Variants in PDZRN3 observed in about 807,000 individuals in gnomAD.
The protein encoded by PDZRN3 is PDZ domain containing ring finger 3, also known as E3 ubiquitin-protein ligase PDZRN3.
In PDZRN3, 38 loss-of-function variants were observed where a neutral mutation model predicts 85.7. The ratio of observed to expected loss-of-function variants is 0.44; its 90% CI spans 0.34 to 0.58. The LOEUF is 0.58. Ranked by LOEUF, PDZRN3 falls within the 20% of genes least tolerant of loss-of-function variation. The probability of loss-of-function intolerance (pLI) is 0.01; values close to 1 mark genes in which losing one functional copy is unlikely to be tolerated. For synonymous variants in PDZRN3, 759 were observed against 638.0 expected (o/e 1.19, Z -2.86); for missense variants, 1,629 against 1,506.4 (o/e 1.08, Z -1.35).
chr3:73,440,348 C>A (rs1702611274), intron 3 of PDZRN3, among the ~76,000 whole-genome samples: 2 of 152,204 alleles, frequency 1.3e-5, no homozygotes, highest in African/African-American at 4.8e-5. Context: ...GCATCAGTCT[C>A]TGAAAGTCAT....
intron 3 of PDZRN3, chr3:73,408,395 A>C (rs1701897333): frequency 3.4e-6 from 2 of 587,670 alleles, no homozygotes; most frequent in Non-Finnish European, 6.0e-6. Flanking sequence ...GTAGTAGAAG[A>C]GACACATTTT....
At chr3:73,569,450 C>G in intron 3 of PDZRN3, 2 of 1,127,812 alleles carry the variant, frequency 1.8e-6, no homozygotes, top group Non-Finnish European at 2.2e-6. Flanking sequence ...TCTTAAGCCC[C>G]GAGGCGTCTA....
intron 5 of PDZRN3, among the ~76,000 whole-genome samples, chr3:73,393,398 T>G (rs1251139346): frequency 6.6e-6 from 1 of 152,112 alleles, no homozygotes; most frequent in Admixed American, 6.5e-5. Context: ...CATGACGAGG[T>G]GAGCACAGAA....
chr3:73,499,237 A>AGTGAAGACC (rs1703928201), intron 3 of PDZRN3, among the ~76,000 whole-genome samples: 1 of 152,188 alleles, frequency 6.6e-6, no homozygotes, highest in African/African-American at 2.4e-5. Context: ...TACAAACATC[A>AGTGAAGACC]GTGAAGACCG....
intron 3 of PDZRN3, among the ~76,000 whole-genome samples, chr3:73,537,304 C>G (rs1338681004): frequency 6.6e-6 from 1 of 152,166 alleles, no homozygotes; most frequent in Non-Finnish European, 1.5e-5. Context: ...AAGAACAGAG[C>G]CCTTGGCCTG....
chr3:73,397,791 T>G (rs1475409037), intron 5 of PDZRN3, among the ~76,000 whole-genome samples: 1 of 152,202 alleles, frequency 6.6e-6, no homozygotes, highest in African/African-American at 2.4e-5. Flanking sequence ...AGAAATGACC[T>G]GGTGACATCT....
At chr3:73,544,520 C>T (rs1701373171) in intron 3 of PDZRN3, among the ~76,000 whole-genome samples, 1 of 152,012 alleles carries the variant, frequency 6.6e-6, no homozygotes, top group Admixed American at 6.5e-5. Context: ...TGTGAAATCA[C>T]CATAATCAAG....
chr3:73,435,188 CTGA>C (rs1702508854), intron 3 of PDZRN3, among the ~76,000 whole-genome samples: 1 of 152,192 alleles, frequency 6.6e-6, no homozygotes, highest in African/African-American at 2.4e-5. Flanking sequence ...CCCACTTGGG[CTGA>C]TGGCCAGCAG....
chr3:73,523,184 G>T (rs1704414780), intron 3 of PDZRN3, among the ~76,000 whole-genome samples: 1 of 152,080 alleles, frequency 6.6e-6, no homozygotes, highest in Admixed American at 6.5e-5. Context: ...GCATCACCAT[G>T]CCCAGCTAAT....
chr3:73,604,125 T>G (rs1370165632), intron 2 of PDZRN3, among the ~76,000 whole-genome samples: 1 of 152,176 alleles, frequency 6.6e-6, no homozygotes, highest in Admixed American at 6.5e-5. Context: ...AGCATCACAG[T>G]GCTCTGCACA....
intron 3 of PDZRN3, among the ~76,000 whole-genome samples, chr3:73,411,609 G>C (rs566188636): frequency 1.3e-5 from 2 of 149,068 alleles, no homozygotes; most frequent in Non-Finnish European, 2.9e-5. Context: ...GTCCACCATA[G>C]TGGCAGCAGG....
chr3:73,585,463 T>G (rs1198540016), intron 3 of PDZRN3, among the ~76,000 whole-genome samples: 4 of 152,180 alleles, frequency 2.6e-5, no homozygotes, highest in Non-Finnish European at 4.4e-5. Flanking sequence ...ATCTTGTTCA[T>G]CAAAGCAAGG....
chr3:73,456,144 C>T (rs535609540), intron 3 of PDZRN3, among the ~76,000 whole-genome samples: 19 of 152,008 alleles, frequency 1.2e-4, no homozygotes, highest in East Asian at 1.9e-4. Context: ...ATATGGTCTA[C>T]GTATAAATGT....
chr3:73,494,573 A>C (rs1197939370), intron 3 of PDZRN3, among the ~76,000 whole-genome samples: 2 of 152,250 alleles, frequency 1.3e-5, no homozygotes, highest in Admixed American at 1.3e-4. Context: ...AACTTACGGA[A>C]GAGTATTTGC....
At chr3:73,405,008 TG>T (rs1367430168) in intron 3 of PDZRN3, among the ~76,000 whole-genome samples, 1 of 152,222 alleles carries the variant, frequency 6.6e-6, no homozygotes, top group East Asian at 1.9e-4. Flanking sequence ...CTGTGTGCAG[TG>T]CTTTGCTATT....
intron 3 of PDZRN3, among the ~76,000 whole-genome samples, chr3:73,432,387 G>T (rs1363783286): frequency 1.3e-5 from 2 of 152,350 alleles, no homozygotes; most frequent in East Asian, 3.9e-4. Context: ...GGTCGGAAAT[G>T]TATTTATTCA....
chr3:73,604,558 A>AATTCAGAAGTCCAAC (rs1193602506), intron 2 of PDZRN3, among the ~76,000 whole-genome samples: 17 of 152,292 alleles, frequency 1.1e-4, no homozygotes, highest in African/African-American at 4.1e-4. Context: ...AACACACAGG[A>AATTCAGAAGTCCAAC]ATTCAGAAGT....
intron 3 of PDZRN3, among the ~76,000 whole-genome samples, chr3:73,521,937 G>T (rs1427425994): frequency 6.6e-6 from 1 of 152,148 alleles, no homozygotes; most frequent in Non-Finnish European, 1.5e-5. Context: ...TAGTGAGCAG[G>T]GTTGACAAAC....
chr3:73,445,443 A>AAAAACAAAAC (rs201285971), intron 3 of PDZRN3, among the ~76,000 whole-genome samples: 6 of 152,108 alleles, frequency 3.9e-5, no homozygotes, highest in African/African-American at 1.5e-4. Context: ...GACACTTGAG[A>AAAAACAAAAC]AAAACAAAAC....
Sources: allele counts gnomAD v4.1 joint callset (sites outside exome capture counted in the v4.1 genomes callset), GRCh38; gene constraint gnomAD v4.1.1; transcripts MANE v1.5; gene names NCBI Gene and HGNC (gene_info 2026-07-23, HGNC 2026-07-21).